NTRK3: variants seen among roughly 807,000 people sequenced by gnomAD.
NTRK3 encodes the protein NT-3 growth factor receptor.
In NTRK3, 24 loss-of-function variants were observed where a neutral mutation model predicts 91.7. The ratio of observed to expected loss-of-function variants is 0.26; its 90% CI spans 0.19 to 0.37. NTRK3 has a LOEUF of 0.37. Among genes scored for constraint, NTRK3 ranks in the 10% least tolerant of loss-of-function variants. NTRK3 has a pLI of 1.00. For synonymous variants in NTRK3, 483 were observed against 404.0 expected (o/e 1.20, Z -2.34); for missense variants, 880 against 1,068.9 (o/e 0.82, Z 2.46).
chr15:87,996,639 G>A (rs2075727458), intron 14 of NTRK3, among the ~76,000 whole-genome samples: 1 of 152,198 alleles, frequency 6.6e-6, no homozygotes. Context: ...TTAAAGAAGT[G>A]TGGCAATGCT....
intron 17 of NTRK3, among the ~76,000 whole-genome samples, chr15:87,902,533 A>G (rs2141662317): frequency 6.6e-6 from 1 of 152,312 alleles, no homozygotes; most frequent in South Asian, 2.1e-4. Context: ...GAAATTATGG[A>G]AAGAAGTCAG....
rs374069724 is a variant in NTRK3 at position 88,184,282 on chromosome 15, C to A, written c.266G>T (p.Arg89Leu). The A allele has an allele frequency of 9.9e-6, 16 of 1,614,004 alleles. No individual in the cohort carries two copies. The African/African-American group carries it at 1.5e-4, about 15-fold the overall frequency. Residue 89 changes from arginine (R) to leucine (L), a missense_variant, in exon 4 of 19, where the codon CGC becomes CTC. By Grantham distance (102) the Arg-to-Leu change is moderately radical. Transcript: ENST00000394480. ...CACGGCGTTGAGCGTGTGAAGACTG[C>A]GCCAGTTCTCTATGTGTCTGCAGGG...
intron 17 of NTRK3, among the ~76,000 whole-genome samples, chr15:87,919,243 T>C (rs1287097514): frequency 6.6e-6 from 1 of 152,196 alleles, no homozygotes; most frequent in Admixed American, 6.5e-5. Context: ...TCTTGGCTTC[T>C]ACTCCTGCAT....
chr15:88,192,781 T>C (rs2047515753), intron 3 of NTRK3, among the ~76,000 whole-genome samples: 1 of 151,978 alleles, frequency 6.6e-6, no homozygotes, highest in Non-Finnish European at 1.5e-5. Context: ...CGTGAAACAC[T>C]CATCCCTGGC....
At chr15:88,162,903 G>A (rs1014469358) in intron 5 of NTRK3, among the ~76,000 whole-genome samples, 4 of 152,128 alleles carry the variant, frequency 2.6e-5, no homozygotes, top group Non-Finnish European at 4.4e-5. Flanking sequence ...GTCTGTACAT[G>A]AGCAGTTGCT....
At chr15:87,900,596 T>C (rs561824286) in intron 17 of NTRK3, among the ~76,000 whole-genome samples, 12 of 152,286 alleles carry the variant, frequency 7.9e-5, no homozygotes, top group Non-Finnish European at 1.6e-4. Flanking sequence ...AGCATAATTT[T>C]CTCATCTGAA....
exon 19 of NTRK3, chr15:87,867,447 G>C (rs2064714441): frequency 4.3e-6 from 1 of 230,200 alleles, no homozygotes; most frequent in African/African-American, 2.2e-5. Flanking sequence ...ACTCCTCAGT[G>C]TGGGGGGGAT....
At chr15:88,164,947 T>C (rs2044791678) in intron 5 of NTRK3, among the ~76,000 whole-genome samples, 1 of 152,182 alleles carries the variant, frequency 6.6e-6, no homozygotes, top group Non-Finnish European at 1.5e-5. Flanking sequence ...TCTGGTAGTG[T>C]TCACATAGAC....
intron 13 of NTRK3, among the ~76,000 whole-genome samples, chr15:88,060,911 T>G (rs2142471753): frequency 6.6e-6 from 1 of 152,328 alleles, no homozygotes; most frequent in Admixed American, 6.5e-5. Flanking sequence ...TGGGTTATTT[T>G]TGCACCTTGA....
At chr15:88,193,183 C>T (rs1238843224) in intron 3 of NTRK3, among the ~76,000 whole-genome samples, 2 of 152,126 alleles carry the variant, frequency 1.3e-5, no homozygotes, top group African/African-American at 4.8e-5. Flanking sequence ...AGTACCTGCA[C>T]GGCCCTCACC....
intron 13 of NTRK3, among the ~76,000 whole-genome samples, chr15:88,049,995 T>A (rs917496625): frequency 3.3e-5 from 5 of 152,184 alleles, no homozygotes; most frequent in African/African-American, 1.2e-4. Context: ...TTTAGAAACA[T>A]ATCTGTTGGG....
chr15:88,018,682 C>T (rs1358461359), intron 14 of NTRK3, among the ~76,000 whole-genome samples: 1 of 152,040 alleles, frequency 6.6e-6, no homozygotes. Context: ...TTAACCATTC[C>T]CTGTGCCTCA....
At chr15:88,149,293 G>T (rs945410767) in intron 5 of NTRK3, among the ~76,000 whole-genome samples, 2 of 152,212 alleles carry the variant, frequency 1.3e-5, no homozygotes, top group Non-Finnish European at 2.9e-5. Context: ...ACTGTGCAGA[G>T]GAGGCAGCCT....
intron 14 of NTRK3, among the ~76,000 whole-genome samples, chr15:88,018,363 T>A (rs948335713): frequency 3.3e-5 from 5 of 151,656 alleles, no homozygotes; most frequent in African/African-American, 9.7e-5. Context: ...TCCCAAAAGG[T>A]GGGGGTGTGG....
chr15:88,112,974 G>C (rs1421368411), intron 13 of NTRK3, among the ~76,000 whole-genome samples: 1 of 152,144 alleles, frequency 6.6e-6, no homozygotes, highest in East Asian at 1.9e-4. Context: ...GGGCTTAGAG[G>C]GACCTGTGTG....
exon 19 of NTRK3, chr15:87,873,716 A>C (rs1183318750): frequency 4.3e-6 from 1 of 231,810 alleles, no homozygotes; most frequent in East Asian, 6.1e-5. Flanking sequence ...TAAATAAATA[A>C]ATAAATGGAC....
At chr15:88,057,620 C>T (rs1238874154) in intron 13 of NTRK3, among the ~76,000 whole-genome samples, 1 of 152,172 alleles carries the variant, frequency 6.6e-6, no homozygotes, top group Non-Finnish European at 1.5e-5. Context: ...AGCAAAGGTC[C>T]TTCTACATTG....
intron 14 of NTRK3, among the ~76,000 whole-genome samples, chr15:87,960,491 C>CT (rs143023323): frequency 0.041 from 5,985 of 146,238 alleles, 173 homozygotes; most frequent in East Asian, 0.09. Context: ...TCCCCCCATC[C>CT]TTTTTTTTTT....
chr15:87,913,573 C>A (rs2067244562), intron 17 of NTRK3, among the ~76,000 whole-genome samples: 1 of 152,126 alleles, frequency 6.6e-6, no homozygotes, highest in Non-Finnish European at 1.5e-5. Flanking sequence ...ACCAGTCAAT[C>A]AGAACAGGCA....
Sources: gnomAD v4.1 joint callset for allele counts (sites outside exome capture counted in the v4.1 genomes callset) on GRCh38, gnomAD v4.1.1 for gene constraint, MANE v1.5 for transcripts, NCBI Gene and HGNC (gene_info 2026-07-23, HGNC 2026-07-21) for gene names.